The following AACS variants were observed in gnomAD, a reference collection of about 807,000 sequenced individuals.
AACS encodes the protein acetoacetate-CoA ligase.
A neutral mutation model predicts 83.1 loss-of-function variants in AACS; 69 were observed. That is an observed-to-expected ratio of 0.83 (90% CI 0.68 to 1.01). The LOEUF is 1.01. AACS is among the 50% of genes least tolerant of loss of function. The pLI is 0.00. For synonymous variants in AACS, 333 were observed against 343.4 expected, an observed-to-expected ratio of 0.97 and a Z score of 0.33; for missense variants, 866 against 882.2, an observed-to-expected ratio of 0.98 and a Z score of 0.23.
chr12:125,108,854 T>A (rs1157651304), intron 8 of AACS, among the ~76,000 whole-genome samples: 3 of 138,704 alleles, frequency 2.2e-5, no homozygotes, highest in Non-Finnish European at 4.6e-5. Context: ...TTGTTTTGTA[T>A]TTTTGTGGCT....
chr12:125,077,523 A>C (rs1421737501), intron 3 of AACS, among the ~76,000 whole-genome samples: 5 of 151,992 alleles, frequency 3.3e-5, no homozygotes, highest in Non-Finnish European at 7.4e-5. Flanking sequence ...AAAAAAAAAA[A>C]AAAATTGTAT....
rs573833268 is a variant in AACS, at chr12:125,142,745, G to A, written c.*516G>A. Reference sequence around the variant, plus strand: ...TTCACAGCTGGCTGCTAGGACCGGCGGGCTGGGTGTTCACGTGTGTCTGTG... The same window carrying A: ...TTCACAGCTGGCTGCTAGGACCGGCAGGCTGGGTGTTCACGTGTGTCTGTG... On this transcript the variant is annotated 3_prime_UTR_variant, in exon 18 of 18. Transcript: ENST00000316519. 6.5e-6 allele frequency: 1 copy of A among 154,424 alleles called. No homozygotes were observed. The highest frequency in any genetic ancestry group is 2.4e-5 in the African/African-American group (1 of 41,542). The allele number at this position is 154,424 out of a possible 1,614,324, so 9.6% of individuals were successfully genotyped here. A position where few individuals can be genotyped will look rare whatever the true frequency, so the allele number is the denominator to read the frequency against.
chr12:125,114,105 G>T (rs970079134), intron 8 of AACS, among the ~76,000 whole-genome samples: 3 of 150,256 alleles, frequency 2.0e-5, no homozygotes, highest in Admixed American at 1.3e-4. Context: ...GTCCTGGAAG[G>T]GTTAGGCCCT....
chr12:125,105,674 A>G (rs1956819374), intron 7 of AACS: 1 of 152,234 alleles, frequency 6.6e-6, no homozygotes, highest in African/African-American at 2.4e-5. Flanking sequence ...ACTGCAGTCC[A>G]TCCTTTGATT....
chr12:125,080,702 T>A (rs1956154874), intron 3 of AACS, among the ~76,000 whole-genome samples: 1 of 151,928 alleles, frequency 6.6e-6, no homozygotes, highest in Non-Finnish European at 1.5e-5. Flanking sequence ...TAATTTTTTA[T>A]TTATTTTGAG....
At chr12:125,110,574 C>T (rs558683230) in intron 8 of AACS, among the ~76,000 whole-genome samples, 18 of 152,284 alleles carry the variant, frequency 1.2e-4, no homozygotes, top group African/African-American at 4.3e-4. Flanking sequence ...CTTCAGCTCT[C>T]CCCATAGCTC....
At chr12:125,102,079 A>G in intron 5 of AACS, 1 of 128,694 alleles carries the variant, frequency 7.8e-6, no homozygotes, top group Non-Finnish European at 1.7e-5. Context: ...AAAAAAAAAA[A>G]CAAAAAAAAA....
At chr12:125,118,217 T>C (rs1957091410) in intron 9 of AACS, 1 of 180,356 alleles carries the variant, frequency 5.5e-6, no homozygotes, top group African/African-American at 2.4e-5. Context: ...GGTGGTTCCG[T>C]GTCAGTCCAG....
intron 15 of AACS, 126 bp downstream of exon 15, chr12:125,134,198 A>T: frequency 9.9e-7 from 1 of 1,011,078 alleles, no homozygotes; most frequent in South Asian, 1.6e-5. Context: ...CCACTCCAGC[A>T]CCAGGGTGTC....
chr12:125,081,620 G>A (rs1956187630), intron 3 of AACS, among the ~76,000 whole-genome samples: 3 of 152,294 alleles, frequency 2.0e-5, no homozygotes, highest in East Asian at 3.9e-4. Flanking sequence ...ACATACATGT[G>A]CACAATTGCC....
chr12:125,105,499 A>G (rs1397069814), intron 7 of AACS: 1 of 152,240 alleles, frequency 6.6e-6, no homozygotes, highest in African/African-American at 2.4e-5. Flanking sequence ...GGAGGCCATG[A>G]TGCATGGAGG....
intron 13 of AACS, 130 bp downstream of exon 13, chr12:125,128,404 G>A (rs1379179058): frequency 1.4e-6 from 1 of 739,496 alleles, no homozygotes; most frequent in Non-Finnish European, 2.1e-6. Context: ...CCTGTCACTT[G>A]CAGTGTGATG....
intron 2 of AACS, 53 bp from the exon 3 acceptor site, chr12:125,076,438 T>A: frequency 6.3e-7 from 1 of 1,590,996 alleles, no homozygotes. Context: ...GTTTTGCTGA[T>A]CTGTAGCGTA....
intron 9 of AACS, 125 bp from the exon 10 acceptor site, chr12:125,118,515 TG>T: frequency 7.6e-7 from 1 of 1,322,304 alleles, no homozygotes; most frequent in Non-Finnish European, 1.0e-6. Context: ...GCATTTGAAA[TG>T]GGAAGTTAGC....
At chr12:125,095,447 C>T (rs1956586555) in intron 5 of AACS, among the ~76,000 whole-genome samples, 1 of 152,190 alleles carries the variant, frequency 6.6e-6, no homozygotes, top group African/African-American at 2.4e-5. Context: ...TCCTGGTCAC[C>T]CTGTACTGGG....
At position 125,124,942 on chromosome 12, in the gene AACS, C is replaced by G. The variant is rs1433622940; in HGVS notation, c.1227C>G (p.Ser409=). Residue 409 remains serine, a synonymous_variant, in exon 12 of 18, where the codon TCC becomes TCG. Transcript: ENST00000316519. The part of the protein sequence containing the change: ...HSLQMLHTIL[S]TGSPLKAQSY... ...TCCAGATGCTCCACACGATCCTGTC[C>G]ACTGGCTCCCCACTGAAAGCCCAGA... 8 of 1,614,230 alleles carry G rather than the reference C, an allele frequency of 5.0e-6. No homozygotes were observed. Among genetic ancestry groups the G allele is most frequent in the Non-Finnish European group, 6.8e-6 (8 of 1,180,052 alleles).
rs1368779660 is a variant in AACS at position 125,065,601 on chromosome 12, G to GC, written c.21dup (p.Gly8ArgfsTer15). 2.6e-6 allele frequency: 4 copies of GC among 1,528,540 alleles called. No individual in the cohort carries two copies. Among genetic ancestry groups the GC allele is most frequent in the East Asian group, 5.3e-5 (2 of 37,790 alleles). The allele number at this position is 1,528,540 out of a possible 1,614,324, so 94.7% of individuals were successfully genotyped here. On this transcript the variant is annotated frameshift_variant, in exon 1 of 18. Transcript: ENST00000316519. LOFTEE classifies it high-confidence loss of function. ...GCCGCCGCCATGTCCAAGGAGGAGC[G>GC]CCCCGGTCGGGAGGAGATCCTGGAG... is the stretch of plus-strand genomic sequence containing the variant.
In AACS at chr12:125,075,270, G is replaced by A. The variant is rs146083011; in HGVS notation, c.238-1221G>A. Among the ~76,000 whole-genome samples, 30 of 151,852 alleles carry A rather than the reference G, an allele frequency of 2.0e-4. 1 individual carries two copies. Among genetic ancestry groups the A allele is most frequent in the African/African-American group, 6.0e-4 (25 of 41,390 alleles). On this transcript the variant is annotated intron_variant, in intron 2 of 17. Transcript: ENST00000316519. ...TTACAGGCATGAGCCACCGTGCCCG[G>A]CATTAGTTTTTTAAACTATTTAGAA... is the stretch of plus-strand genomic sequence containing the variant.
intron 8 of AACS, among the ~76,000 whole-genome samples, chr12:125,110,705 G>A (rs1402274607): frequency 1.3e-5 from 2 of 152,222 alleles, no homozygotes; most frequent in East Asian, 1.9e-4. Context: ...AATTCTCCAA[G>A]TGGAGAAACC....
Sources: gnomAD v4.1 joint callset for allele counts (sites outside exome capture counted in the v4.1 genomes callset) on GRCh38, gnomAD v4.1.1 for gene constraint, MANE v1.5 for transcripts, NCBI Gene and HGNC (gene_info 2026-07-23, HGNC 2026-07-21) for gene names.